The following HDHD5 variants were observed in gnomAD, a reference collection of about 807,000 sequenced individuals.
HDHD5 encodes the protein haloacid dehalogenase like hydrolase domain containing 5.
In HDHD5, 34 loss-of-function variants were observed where a neutral mutation model predicts 35.5. The ratio of observed to expected loss-of-function variants is 0.96; its 90% CI spans 0.73 to 1.28. The LOEUF is 1.28. Among genes scored for constraint, HDHD5 ranks in the 50% most tolerant of loss-of-function variants. The pLI, the probability that HDHD5 is intolerant of heterozygous loss-of-function variation, is 0.00. For missense variants in HDHD5, 589 were observed against 560.2 expected (o/e 1.05, Z -0.52); for synonymous variants, 248 against 240.6 (o/e 1.03, Z -0.29).
upstream of HDHD5, among the ~76,000 whole-genome samples, chr22:17,164,223 A>G (rs1260394859): frequency 2.4e-4 from 7 of 28,770 alleles, no homozygotes; most frequent in South Asian, 7.5e-3. Flanking sequence ...TCCATCTCAG[A>G]AAAAAAAAAA....
chr22:17,148,630 G>C, intron 2 of HDHD5, 70 bp from the exon 3 acceptor site: 1 of 1,211,316 alleles, frequency 8.3e-7, no homozygotes, highest in Non-Finnish European at 1.2e-6. Flanking sequence ...TGAGACAGGT[G>C]GCAGGTCCTT....
intron 1 of HDHD5, among the ~76,000 whole-genome samples, chr22:17,154,796 T>C (rs1437056153): frequency 6.6e-6 from 1 of 151,598 alleles, no homozygotes; most frequent in Non-Finnish European, 1.5e-5. Context: ...GGCTAATTTT[T>C]TTTTTTTTTT....
chr22:17,146,106 A>G (rs560206602), intron 3 of HDHD5, among the ~76,000 whole-genome samples: 2 of 152,192 alleles, frequency 1.3e-5, no homozygotes, highest in South Asian at 4.1e-4. Context: ...AGACTCCTCA[A>G]GTTTACTTCC....
At chr22:17,162,614 G>A (rs2061870381), upstream of HDHD5, among the ~76,000 whole-genome samples, 1 of 152,132 alleles carries the variant, frequency 6.6e-6, no homozygotes, top group Non-Finnish European at 1.5e-5. Context: ...GTGCACTGTG[G>A]GAGATTCCAA....
intron 3 of HDHD5, among the ~76,000 whole-genome samples, chr22:17,147,572 C>T (rs1350521918): frequency 1.0e-4 from 12 of 114,338 alleles, no homozygotes; most frequent in East Asian, 8.1e-4. Flanking sequence ...TTCGATCACA[C>T]GCCATCGCAC....
intron 6 of HDHD5, among the ~76,000 whole-genome samples, chr22:17,139,614 T>TACCA (rs2061577294): frequency 6.6e-6 from 1 of 151,996 alleles, no homozygotes; most frequent in Non-Finnish European, 1.5e-5. Flanking sequence ...GGAATGCTGA[T>TACCA]ATGATGGCTG....
intron 2 of HDHD5, 51 bp downstream of exon 2, chr22:17,149,491 T>C: frequency 3.2e-6 from 5 of 1,568,218 alleles, no homozygotes; most frequent in Non-Finnish European, 4.4e-6. Flanking sequence ...GGGCAGCGGC[T>C]CCATTAGGAA....
chr22:17,144,989 G>C (rs749968227), intron 4 of HDHD5, 35 bp downstream of exon 4: 1 of 1,612,114 alleles, frequency 6.2e-7, no homozygotes, highest in Admixed American at 1.7e-5. Context: ...AGGAGTGAAG[G>C]ATGAAGACAC....
rs1284208956 is a variant in HDHD5, at chr22:17,138,748, A to G, written c.747-10T>C. On this transcript the variant is annotated splice_polypyrimidine_tract_variant and intron_variant, in intron 6 of 7. Transcript: ENST00000336737. The stretch of plus-strand genomic sequence containing the variant: ...GGTGCCATGTCCAAACCTGCCAGAA[A>G]CGAGCACGCAGCAGTTCAGTCTTCC... The G allele has an allele frequency of 6.2e-7, 1 of 1,614,150 alleles. No homozygotes were observed. The highest frequency in any genetic ancestry group is 1.7e-5 in the Admixed American group (1 of 60,024).
intron 1 of HDHD5, among the ~76,000 whole-genome samples, chr22:17,164,762 A>G (rs753193111): frequency 6.6e-6 from 1 of 152,258 alleles, no homozygotes; most frequent in Non-Finnish European, 1.5e-5. Flanking sequence ...ATGACTGGCT[A>G]AAAGTCATGG....
chr22:17,160,640 C>T (rs2061856479), upstream of HDHD5, among the ~76,000 whole-genome samples: 1 of 134,582 alleles, frequency 7.4e-6, no homozygotes, highest in Admixed American at 7.9e-5. Context: ...CGGAGTGAGA[C>T]TCCGTCTTGA....
Position 17,145,085 on chromosome 22 carries a change from T to G in HDHD5, c.476A>C (p.Glu159Ala). 6.2e-7 allele frequency: 1 copy of G among 1,613,952 alleles called. No individual in the cohort carries two copies. Among genetic ancestry groups the G allele is most frequent in the African/African-American group, 1.3e-5 (1 of 74,974 alleles). The change falls in exon 4 of 8, where the codon GAG becomes GCG. Residue 159 changes from glutamate (E) to alanine (A), a missense_variant. Physicochemically the swap from Glu to Ala is moderately radical, Grantham distance 107. Transcript: ENST00000336737. ...AAGCAGAGGAAAGGCCATCCGCAGC[T>G]CATCCACGGTGACGACATTTCGGAA... ...LGFRNVVTVD[E>A]LRMAFPLLDM...
chr22:17,148,574 C>G lies in HDHD5; in HGVS notation c.331-14G>C. The G allele has an allele frequency of 6.3e-7, 1 of 1,587,136 alleles. No individual in the cohort carries two copies. The highest frequency in any genetic ancestry group is 1.1e-5 in the South Asian group (1 of 90,474). ...GTCTGCATCCACCTGTAGGGACAGC[C>G]AAGACAGGGGAGGGCAGAGGAAGAC... is the stretch of plus-strand genomic sequence containing the variant. On this transcript the variant is annotated splice_polypyrimidine_tract_variant and intron_variant, in intron 2 of 7. Transcript: ENST00000336737.
At chr22:17,149,863 A>C (rs777423145) in intron 1 of HDHD5, 118 bp from the exon 2 acceptor site, 23 of 797,386 alleles carry the variant, frequency 2.9e-5, no homozygotes, top group African/African-American at 5.2e-5. Context: ...TGTCAGAAAG[A>C]ACAAAAAAAT....
chr22:17,145,542 A>C (rs2061652843), intron 3 of HDHD5, among the ~76,000 whole-genome samples: 2 of 152,146 alleles, frequency 1.3e-5, no homozygotes, highest in Admixed American at 1.3e-4. Context: ...GTCTCTACAA[A>C]TAAAGTCAGC....
chr22:17,140,794 A>C (rs1364363588), intron 6 of HDHD5, among the ~76,000 whole-genome samples: 1 of 152,188 alleles, frequency 6.6e-6, no homozygotes, highest in Non-Finnish European at 1.5e-5. Flanking sequence ...TTCTGTAAAG[A>C]TTACAGGGGG....
At chr22:17,141,622 C>T in intron 5 of HDHD5, 1 of 1,050,514 alleles carries the variant, frequency 9.5e-7, no homozygotes, top group African/African-American at 1.7e-5. Context: ...CAGGGACTGG[C>T]AGAACCTAAC....
chr22:17,159,009 C>T (rs1162294547), intron 1 of HDHD5, 117 bp downstream of exon 1: 5 of 970,950 alleles, frequency 5.1e-6, no homozygotes, highest in Non-Finnish European at 6.5e-6. Flanking sequence ...GACGACGGTC[C>T]AGGCAGTTCC....
intron 7 of HDHD5, 23 bp downstream of exon 7, chr22:17,138,527 A>C (rs1376030653): frequency 5.6e-6 from 9 of 1,609,686 alleles, no homozygotes; most frequent in Admixed American, 1.7e-5. Context: ...TAAAAGGGAC[A>C]AAGGAGGGAG....
Sources: gnomAD v4.1 joint callset for allele counts (sites outside exome capture counted in the v4.1 genomes callset) on GRCh38, gnomAD v4.1.1 for gene constraint, MANE v1.5 for transcripts, NCBI Gene and HGNC (gene_info 2026-07-23, HGNC 2026-07-21) for gene names.